TMEM45A: variants seen among roughly 807,000 people sequenced by gnomAD.
TMEM45A encodes DNA polymerase-transactivated protein 4.
A neutral mutation model predicts 32.0 loss-of-function variants in TMEM45A; 25 were observed. That is an observed-to-expected ratio of 0.78 (90% CI 0.57 to 1.09). TMEM45A has a LOEUF of 1.09. Among genes scored for constraint, TMEM45A ranks in the 50% least tolerant of loss-of-function variants. The probability of loss-of-function intolerance (pLI) is 0.00; values close to 1 mark genes in which losing one functional copy is unlikely to be tolerated. For synonymous variants in TMEM45A, 122 were observed against 114.8 expected, an observed-to-expected ratio of 1.06 and a Z score of -0.40; for missense variants, 302 against 325.0, an observed-to-expected ratio of 0.93 and a Z score of 0.54.
chr3:100,556,862 T>G lies in TMEM45A; in HGVS notation c.293T>G (p.Met98Arg). The G allele has an allele frequency of 6.2e-7, 1 of 1,614,186 alleles. No homozygotes were observed. Among genetic ancestry groups the G allele is most frequent in the Non-Finnish European group, 8.5e-7 (1 of 1,180,010 alleles). Residue 98 changes from methionine to arginine, a missense_variant, in exon 3 of 6, where the codon ATG (methionine) becomes AGG (arginine). Physicochemically the swap from Met to Arg is moderately conservative, Grantham distance 91. Transcript: ENST00000323523. ...CTCCTGGGCTGGCATCATTTCACCA[T>G]GTATTTCTTCTTTGGGCTGTTGGGT... ...NQLLGWHHFT[M>R]YFFFGLLGVA...
At chr3:100,559,213 A>G (rs143251066) in intron 4 of TMEM45A, among the ~76,000 whole-genome samples, 1 of 152,356 alleles carries the variant, frequency 6.6e-6, no homozygotes, top group African/African-American at 2.4e-5. Flanking sequence ...CACACACTTT[A>G]TAGAGACTGA....
intron 1 of TMEM45A, among the ~76,000 whole-genome samples, chr3:100,493,694 A>T (rs1576251008): frequency 3.9e-5 from 6 of 152,094 alleles, no homozygotes; most frequent in Admixed American, 3.3e-4. Flanking sequence ...GCTATATAGT[A>T]TACTCTATAT....
chr3:100,569,686 T>A (rs1198662767), intron 5 of TMEM45A, among the ~76,000 whole-genome samples: 1 of 152,134 alleles, frequency 6.6e-6, no homozygotes, highest in African/African-American at 2.4e-5. Context: ...AATATTATTG[T>A]CTTGTTGTTC....
chr3:100,504,113 C>G (rs78976407), intron 1 of TMEM45A, among the ~76,000 whole-genome samples: 1 of 152,046 alleles, frequency 6.6e-6, no homozygotes, highest in Admixed American at 6.6e-5. Flanking sequence ...AACACTGTCT[C>G]CTCTGTGCCT....
chr3:100,511,371 C>T (rs10936217), intron 1 of TMEM45A, among the ~76,000 whole-genome samples: 43,509 of 150,770 alleles, frequency 0.29, 8,038 homozygotes, highest in African/African-American at 0.53. Flanking sequence ...TCCAGCCAAA[C>T]TAAGCTTCAT....
intron 1 of TMEM45A, chr3:100,519,454 T>A (rs1485510720): frequency 1.0e-6 from 1 of 991,030 alleles, no homozygotes; most frequent in Non-Finnish European, 1.5e-6. Context: ...TTGATTTTTT[T>A]ATTCCAGAAA....
intron 1 of TMEM45A, among the ~76,000 whole-genome samples, 151 bp downstream of exon 1, chr3:100,493,079 G>A (rs1484109659): frequency 7.1e-6 from 1 of 141,490 alleles, no homozygotes; most frequent in East Asian, 2.1e-4. Flanking sequence ...CTTCTCTTCC[G>A]TTTCACTAAC....
chr3:100,529,061 G>T (rs1424609789), intron 1 of TMEM45A, among the ~76,000 whole-genome samples: 1 of 152,248 alleles, frequency 6.6e-6, no homozygotes, highest in East Asian at 1.9e-4. Flanking sequence ...AATTTTGAAG[G>T]TTCATTTTAT....
At chr3:100,493,723 T>C (rs1175260701) in intron 1 of TMEM45A, among the ~76,000 whole-genome samples, 1 of 152,054 alleles carries the variant, frequency 6.6e-6, no homozygotes, top group Admixed American at 6.6e-5. Flanking sequence ...TATTTTGTTG[T>C]TGTTGTAGTT....
chr3:100,575,434 G>A (rs527995314), intron 5 of TMEM45A, among the ~76,000 whole-genome samples: 44 of 137,140 alleles, frequency 3.2e-4, no homozygotes, highest in Middle Eastern at 4.2e-3. Flanking sequence ...GTGCAGTGGC[G>A]TGATCTCAGC....
At chr3:100,522,682 C>T (rs528839127) in intron 1 of TMEM45A, among the ~76,000 whole-genome samples, 48 of 152,310 alleles carry the variant, frequency 3.2e-4, no homozygotes, top group Non-Finnish European at 5.3e-4. Context: ...TGCCCCCTCA[C>T]CCTCACCTGG....
intron 1 of TMEM45A, among the ~76,000 whole-genome samples, chr3:100,527,576 T>G (rs547416626): frequency 6.6e-6 from 1 of 152,184 alleles, no homozygotes; most frequent in African/African-American, 2.4e-5. Context: ...TTATGAAATA[T>G]GAAATAGACC....
chr3:100,493,120 C>CTTTTTTTTTTTTTTTTTTTTTTTTT (rs570241165), intron 1 of TMEM45A, among the ~76,000 whole-genome samples, 192 bp downstream of exon 1: 2 of 115,918 alleles, frequency 1.7e-5, no homozygotes, highest in African/African-American at 3.4e-5. Flanking sequence ...GTTTGCTATT[C>CTTTTTTTTTTTTTTTTTTTTTTTTT]TTTTTTTTTT....
intron 1 of TMEM45A, among the ~76,000 whole-genome samples, chr3:100,521,935 T>C (rs1705444079): frequency 6.6e-6 from 1 of 152,164 alleles, no homozygotes. Flanking sequence ...TTGTTTCAGG[T>C]GGTAAGAGTT....
intron 5 of TMEM45A, chr3:100,570,597 C>G (rs925712706): frequency 1.3e-5 from 2 of 152,434 alleles, no homozygotes; most frequent in African/African-American, 4.8e-5. Context: ...TGGCTTCTCC[C>G]TGTTGTTCTA....
chr3:100,512,909 C>T (rs1708192111), intron 1 of TMEM45A, among the ~76,000 whole-genome samples: 1 of 151,940 alleles, frequency 6.6e-6, no homozygotes, highest in Non-Finnish European at 1.5e-5. Flanking sequence ...CATACACTCT[C>T]CCAAGACTAA....
intron 1 of TMEM45A, among the ~76,000 whole-genome samples, chr3:100,510,199 T>TCC: frequency 6.6e-6 from 1 of 151,640 alleles, no homozygotes; most frequent in East Asian, 1.9e-4. Context: ...GCAGTAACCT[T>TCC]TGCAGACTTA....
chr3:100,539,823 A>G (rs1029722927), intron 1 of TMEM45A, among the ~76,000 whole-genome samples: 1 of 152,198 alleles, frequency 6.6e-6, no homozygotes, highest in African/African-American at 2.4e-5. Context: ...CCTCTCAGAC[A>G]CACTCAGAAA....
chr3:100,504,946 T>C (rs77327261), intron 1 of TMEM45A, among the ~76,000 whole-genome samples: 436 of 152,290 alleles, frequency 2.9e-3, no homozygotes, highest in African/African-American at 0.01. Context: ...TGAAGTCTCA[T>C]ACCTGCTTTT....
Sources: gnomAD v4.1 joint callset for allele counts (sites outside exome capture counted in the v4.1 genomes callset) on GRCh38, gnomAD v4.1.1 for gene constraint, MANE v1.5 for transcripts, NCBI Gene and HGNC (gene_info 2026-07-23, HGNC 2026-07-21) for gene names.